Variants in EFNA5 observed in about 807,000 individuals in gnomAD.
EFNA5 encodes the protein ephrin-A5.
A neutral mutation model predicts 22.9 loss-of-function variants in EFNA5; 5 were observed. The observed-to-expected ratio is 0.22, with a 90% CI of 0.11 to 0.46. EFNA5 has a LOEUF of 0.46. Ranked by LOEUF, EFNA5 falls within the 20% of genes least tolerant of loss-of-function variation. The probability of loss-of-function intolerance (pLI) is 0.99; values close to 1 mark genes in which losing one functional copy is unlikely to be tolerated. For synonymous variants in EFNA5, 113 were observed against 112.2 expected, an observed-to-expected ratio of 1.01 and a Z score of -0.04; for missense variants, 237 against 293.3, an observed-to-expected ratio of 0.81 and a Z score of 1.40.
chr5:107,393,897 G>A (rs1190899471), intron 2 of EFNA5, among the ~76,000 whole-genome samples: 2 of 152,166 alleles, frequency 1.3e-5, no homozygotes, highest in South Asian at 2.1e-4. Flanking sequence ...TGAGTGGAGT[G>A]GGGAAACAGA....
chr5:107,583,794 T>C (rs1580542802), intron 1 of EFNA5, among the ~76,000 whole-genome samples: 1 of 152,212 alleles, frequency 6.6e-6, no homozygotes, highest in Non-Finnish European at 1.5e-5. Flanking sequence ...GTTCGATCAA[T>C]CTTTTATTTG....
intron 1 of EFNA5, among the ~76,000 whole-genome samples, chr5:107,493,501 C>T (rs1216152167): frequency 1.3e-5 from 2 of 152,162 alleles, no homozygotes; most frequent in Non-Finnish European, 2.9e-5. Context: ...TGCCTAAATA[C>T]CATGGCTCCA....
intron 1 of EFNA5, among the ~76,000 whole-genome samples, chr5:107,580,721 CAAAAAAAA>C (rs56868732): frequency 2.4e-5 from 2 of 83,692 alleles, no homozygotes; most frequent in African/African-American, 9.1e-5. Flanking sequence ...GACTCCATCT[CAAAAAAAA>C]AAAAAAAAAA....
intron 2 of EFNA5, among the ~76,000 whole-genome samples, chr5:107,400,625 T>C (rs1748058834): frequency 6.6e-6 from 1 of 152,230 alleles, no homozygotes; most frequent in South Asian, 2.1e-4. Context: ...TCTAACATAG[T>C]GCTTGGCACA....
intron 1 of EFNA5, among the ~76,000 whole-genome samples, chr5:107,527,093 C>T (rs1056490397): frequency 1.3e-5 from 2 of 151,994 alleles, no homozygotes; most frequent in African/African-American, 4.8e-5. Flanking sequence ...TGCTTTTATT[C>T]CCCCTAAGTT....
intron 2 of EFNA5, among the ~76,000 whole-genome samples, chr5:107,418,222 C>T (rs1178797692): frequency 2.0e-5 from 3 of 152,152 alleles, no homozygotes; most frequent in Non-Finnish European, 2.9e-5. Context: ...GAAGTATAAA[C>T]ACTGTTATTC....
chr5:107,630,928 G>A (rs1238377589), intron 1 of EFNA5, among the ~76,000 whole-genome samples: 1 of 152,062 alleles, frequency 6.6e-6, no homozygotes, highest in Non-Finnish European at 1.5e-5. Context: ...TCCACAGGGT[G>A]AGAAATATCA....
intron 1 of EFNA5, among the ~76,000 whole-genome samples, chr5:107,542,686 T>C (rs1420381100): frequency 2.0e-5 from 3 of 152,178 alleles, no homozygotes; most frequent in African/African-American, 7.2e-5. Context: ...GCCTGACTCA[T>C]GCCTCTGGGC....
chr5:107,670,670 C>A lies in EFNA5; in HGVS notation c.-57G>T. On this transcript the variant is annotated 5_prime_UTR_variant, in exon 1 of 5. Coordinates refer to ENST00000333274, the MANE Select transcript of EFNA5 (RefSeq NM_001962.3). ...GCCACTCCGGGGAGAGAGCGGGGAT[C>A]CGGAGGGAGGGAGGCAGGCAAAGGG... The A allele has an allele frequency of 6.4e-7, 1 of 1,573,264 alleles. No individual in the cohort carries two copies. Among genetic ancestry groups the A allele is most frequent in the Admixed American group, 1.8e-5 (1 of 56,024 alleles).
At chr5:107,654,905 A>C (rs1750792760) in intron 1 of EFNA5, among the ~76,000 whole-genome samples, 1 of 152,048 alleles carries the variant, frequency 6.6e-6, no homozygotes, top group Non-Finnish European at 1.5e-5. Context: ...TTACCATATT[A>C]ATAAAAGCTG....
At chr5:107,596,594 A>G (rs1478413734) in intron 1 of EFNA5, among the ~76,000 whole-genome samples, 1 of 152,172 alleles carries the variant, frequency 6.6e-6, no homozygotes, top group Non-Finnish European at 1.5e-5. Flanking sequence ...TTTCTTTTAG[A>G]AAGTGATGAC....
chr5:107,585,216 G>T (rs566731994), intron 1 of EFNA5, among the ~76,000 whole-genome samples: 1 of 152,214 alleles, frequency 6.6e-6, no homozygotes, highest in East Asian at 1.9e-4. Context: ...ACAATTTTCT[G>T]CTTTTCACTT....
chr5:107,445,951 A>G (rs1749381465), intron 1 of EFNA5, among the ~76,000 whole-genome samples: 1 of 152,248 alleles, frequency 6.6e-6, no homozygotes, highest in South Asian at 2.1e-4. Context: ...ATAACTGAGA[A>G]TAAACAACTA....
At chr5:107,465,403 G>A (rs974184343) in intron 1 of EFNA5, among the ~76,000 whole-genome samples, 1 of 152,088 alleles carries the variant, frequency 6.6e-6, no homozygotes, top group African/African-American at 2.4e-5. Flanking sequence ...ATATGGACAG[G>A]TGAGTCCTAA....
intron 1 of EFNA5, among the ~76,000 whole-genome samples, chr5:107,604,391 A>G (rs1190773605): frequency 6.6e-6 from 1 of 152,132 alleles, no homozygotes; most frequent in South Asian, 2.1e-4. Context: ...AGTCACAAGA[A>G]GAGCACATTG....
At chr5:107,582,365 G>A (rs1331476659) in intron 1 of EFNA5, among the ~76,000 whole-genome samples, 1 of 152,198 alleles carries the variant, frequency 6.6e-6, no homozygotes, top group Non-Finnish European at 1.5e-5. Flanking sequence ...TTGGGGCTGA[G>A]ATGATGCTTT....
At chr5:107,501,246 T>C (rs566059002) in intron 1 of EFNA5, among the ~76,000 whole-genome samples, 19 of 152,372 alleles carry the variant, frequency 1.2e-4, no homozygotes, top group Middle Eastern at 6.8e-3. Context: ...ATTTTGTAAA[T>C]ATTTTTTTAA....
At chr5:107,410,228 C>T (rs1049819140) in intron 2 of EFNA5, among the ~76,000 whole-genome samples, 5 of 152,166 alleles carry the variant, frequency 3.3e-5, no homozygotes, top group African/African-American at 1.2e-4. Flanking sequence ...GACGGGGTTT[C>T]ACCATGTTAG....
chr5:107,427,186 C>T, intron 2 of EFNA5, 31 bp downstream of exon 2: 5 of 1,613,038 alleles, frequency 3.1e-6, no homozygotes, highest in Non-Finnish European at 4.2e-6. Context: ...TTGCAGCTGC[C>T]CTACAACACG....
Sources: allele counts gnomAD v4.1 joint callset (sites outside exome capture counted in the v4.1 genomes callset), GRCh38; gene constraint gnomAD v4.1.1; transcripts MANE v1.5; gene names NCBI Gene and HGNC (gene_info 2026-07-23, HGNC 2026-07-21).